Variants in ERG observed in about 807,000 individuals in gnomAD.
ERG encodes the protein ETS transcription factor ERG.
Under a neutral mutation model 55.3 loss-of-function variants are expected in ERG, and 9 were observed. The observed-to-expected ratio is 0.16, with a 90% confidence interval of 0.10 to 0.28. The LOEUF (loss-of-function observed/expected upper bound fraction) is 0.28. Ranked by LOEUF, ERG falls within the 10% of genes least tolerant of loss-of-function variation. The pLI, the probability that ERG is intolerant of heterozygous loss-of-function variation, is 1.00. For missense variants in ERG, 434 were observed against 631.6 expected (o/e 0.69, Z 3.35); for synonymous variants, 223 against 237.3 (o/e 0.94, Z 0.55).
chr21:38,393,108 T>A (rs181746196), intron 6 of ERG, among the ~76,000 whole-genome samples: 4 of 152,324 alleles, frequency 2.6e-5, no homozygotes, highest in African/African-American at 9.6e-5. Context: ...TGAAATGAAT[T>A]ACAGGACTGA....
At chr21:38,469,934 A>G (rs2059125198) in intron 1 of ERG, among the ~76,000 whole-genome samples, 1 of 152,212 alleles carries the variant, frequency 6.6e-6, no homozygotes. Context: ...TGTCTTCTTA[A>G]TTGTATAATC....
intron 2 of ERG, among the ~76,000 whole-genome samples, chr21:38,548,490 C>T (rs1056782518): frequency 4.0e-5 from 6 of 151,050 alleles, no homozygotes; most frequent in African/African-American, 1.5e-4. Flanking sequence ...CTCTGTTGCC[C>T]AGGCTGGAGT....
chr21:38,543,317 T>C (rs1316716751), intron 2 of ERG, among the ~76,000 whole-genome samples: 1 of 151,562 alleles, frequency 6.6e-6, no homozygotes, highest in Non-Finnish European at 1.5e-5. Context: ...TATTTACCAA[T>C]ATCCCTACTG....
chr21:38,376,956 C>T (rs563059664), downstream of ERG, among the ~76,000 whole-genome samples: 73 of 152,352 alleles, frequency 4.8e-4, no homozygotes, highest in Admixed American at 1.3e-3. Context: ...TACCAACAAC[C>T]GGGCTTCTGC....
At chr21:38,444,861 G>A (rs188889016) in intron 2 of ERG, among the ~76,000 whole-genome samples, 1 of 152,144 alleles carries the variant, frequency 6.6e-6, no homozygotes, top group Non-Finnish European at 1.5e-5. Flanking sequence ...GCACTGCCTG[G>A]CCACTAGCTG....
intron 2 of ERG, among the ~76,000 whole-genome samples, chr21:38,543,737 CTTT>C (rs542648278): frequency 7.5e-6 from 1 of 133,406 alleles, no homozygotes; most frequent in African/African-American, 2.8e-5. Flanking sequence ...GTGAGAAACA[CTTT>C]TTTTTTTTTT....
chr21:38,621,565 G>A (rs1413051390), intron 1 of ERG, among the ~76,000 whole-genome samples: 8 of 152,158 alleles, frequency 5.3e-5, no homozygotes, highest in Non-Finnish European at 1.2e-4. Context: ...CAGAGCTCCA[G>A]GGACCTGAAG....
Position 38,460,337 on chromosome 21 carries a change from T to C in ERG, c.19-14716A>G, listed in dbSNP as rs1241399234. Among the ~76,000 whole-genome samples, 1 of 152,222 alleles carries C rather than the reference T, an allele frequency of 6.6e-6. No homozygotes were observed. The highest frequency in any genetic ancestry group is 6.5e-5 in the Admixed American group (1 of 15,288). On this transcript the variant is annotated intron_variant, in intron 1 of 9. Coordinates refer to ENST00000288319, the MANE Select transcript of ERG (RefSeq NM_182918.4). This position sits in a 1 kb window ranked among gnomAD's most constrained non-coding sequence, Gnocchi z 5.0. ...GAGAGAAGTGGAGTCTCTCTAGCCG[T>C]CTTGGCTAAAAGCCCGGGAATTGTC...
intron 2 of ERG, among the ~76,000 whole-genome samples, chr21:38,530,803 A>G (rs1306390883): frequency 6.6e-6 from 1 of 152,246 alleles, no homozygotes; most frequent in African/African-American, 2.4e-5. Flanking sequence ...AAGATCTGCA[A>G]GAGCAACTGA....
At chr21:38,560,575 A>G (rs1395630383) in intron 2 of ERG, among the ~76,000 whole-genome samples, 1 of 152,132 alleles carries the variant, frequency 6.6e-6, no homozygotes, top group African/African-American at 2.4e-5. Context: ...CTTCACAGGC[A>G]CAGCCCCCTT....
At chr21:38,502,849 C>T (rs1258550784), upstream of ERG, among the ~76,000 whole-genome samples, 2 of 150,366 alleles carry the variant, frequency 1.3e-5, no homozygotes, top group Non-Finnish European at 3.0e-5. Context: ...GCCTCAGCCT[C>T]CTGAGTAGCT....
chr21:38,542,779 A>G (rs1238060935), intron 2 of ERG, among the ~76,000 whole-genome samples: 1 of 152,194 alleles, frequency 6.6e-6, no homozygotes, highest in Non-Finnish European at 1.5e-5. Flanking sequence ...GTGAGTTACT[A>G]CTCTGTAATA....
intron 2 of ERG, among the ~76,000 whole-genome samples, chr21:38,552,212 G>A (rs1465671830): frequency 2.0e-5 from 3 of 152,044 alleles, no homozygotes; most frequent in Non-Finnish European, 4.4e-5. Context: ...ACCAGAAAAA[G>A]CCCTAGACCA....
chr21:38,499,746 AGAGGAG>A (rs1207834267), upstream of ERG, among the ~76,000 whole-genome samples: 2 of 149,744 alleles, frequency 1.3e-5, no homozygotes, highest in Non-Finnish European at 1.5e-5. Context: ...GAGAGGAAGG[AGAGGAG>A]GAGGAGGAGG....
At chr21:38,548,150 G>A (rs2059799790) in intron 2 of ERG, among the ~76,000 whole-genome samples, 1 of 151,954 alleles carries the variant, frequency 6.6e-6, no homozygotes, top group Non-Finnish European at 1.5e-5. Context: ...GTACCCCTGT[G>A]CTGTTCAATG....
chr21:38,436,072 T>C (rs1601398946), intron 2 of ERG, among the ~76,000 whole-genome samples: 1 of 146,130 alleles, frequency 6.8e-6, no homozygotes, highest in Admixed American at 7.2e-5. Flanking sequence ...TAGGCTGGAG[T>C]GCAATGGCGC....
intron 1 of ERG, among the ~76,000 whole-genome samples, chr21:38,656,491 T>C (rs1052582103): frequency 1.3e-5 from 2 of 152,168 alleles, no homozygotes; most frequent in Non-Finnish European, 2.9e-5. Context: ...CAAGCTAATA[T>C]TTCCTTAAGA....
intron 1 of ERG, among the ~76,000 whole-genome samples, chr21:38,614,126 C>T (rs993797251): frequency 5.9e-5 from 9 of 152,294 alleles, no homozygotes; most frequent in South Asian, 2.1e-4. Context: ...AAAAGCTAAG[C>T]GCTTTGACTC....
intron 1 of ERG, among the ~76,000 whole-genome samples, chr21:38,584,232 G>A (rs1314443278): frequency 1.3e-5 from 2 of 152,172 alleles, no homozygotes; most frequent in African/African-American, 4.8e-5. Flanking sequence ...TGATCCCTGC[G>A]GTGCTTCTCC....
Sources: allele counts gnomAD v4.1 joint callset (sites outside exome capture counted in the v4.1 genomes callset), GRCh38; gene constraint gnomAD v4.1.1; non-coding constraint Gnocchi (gnomAD v3.1); transcripts MANE v1.5; gene names NCBI Gene and HGNC (gene_info 2026-07-23, HGNC 2026-07-21).